GRM7: variants seen among roughly 807,000 people sequenced by gnomAD.
GRM7 encodes glutamate metabotropic receptor 7.
In GRM7, 35 loss-of-function variants were observed where a neutral mutation model predicts 84.5. The observed-to-expected ratio is 0.41, with a 90% CI of 0.32 to 0.55. GRM7 has a LOEUF of 0.55. Ranked by LOEUF, GRM7 falls within the 20% of genes least tolerant of loss-of-function variation. The probability of loss-of-function intolerance (pLI) is 0.19; values close to 1 mark genes in which losing one functional copy is unlikely to be tolerated. For synonymous variants in GRM7, 487 were observed against 455.1 expected (o/e 1.07, Z -0.89); for missense variants, 1,003 against 1,194.6 (o/e 0.84, Z 2.36).
intron 1 of GRM7, among the ~76,000 whole-genome samples, chr3:6,905,355 G>C (rs1470063346): frequency 6.6e-6 from 1 of 151,986 alleles, no homozygotes; most frequent in Admixed American, 6.6e-5. Flanking sequence ...AGTTTTTGTT[G>C]ATATTACAAG....
rs1699097910 is a variant in GRM7, at chr3:7,480,773, G to A, written c.1515+19051G>A. Among the ~76,000 whole-genome samples the A allele has an allele frequency of 2.0e-5, 3 of 152,134 alleles. No individual in the cohort carries two copies. In the South Asian group the frequency reaches 6.2e-4, roughly 31 times the overall value. On this transcript the variant is annotated intron_variant, in intron 7 of 9. Coordinates refer to ENST00000357716, the MANE Select transcript of GRM7 (RefSeq NM_000844.4). ...CATTCAGATCATTGGGATACGTGTT[G>A]AAGTGGAAGTTACCAGAGCCTACCA...
At chr3:7,333,600 G>A (rs1406024520) in intron 4 of GRM7, among the ~76,000 whole-genome samples, 1 of 152,028 alleles carries the variant, frequency 6.6e-6, no homozygotes, top group Non-Finnish European at 1.5e-5. Context: ...TAGCTCTCCA[G>A]CAATGGATCC....
intron 2 of GRM7, among the ~76,000 whole-genome samples, chr3:7,269,584 C>T (rs1001736891): frequency 9.2e-5 from 14 of 152,310 alleles, no homozygotes; most frequent in South Asian, 2.1e-4. Context: ...CTCCCAGCTA[C>T]GCCTCCTCTG....
chr3:7,460,855 A>G (rs1020846473), intron 6 of GRM7, among the ~76,000 whole-genome samples: 1 of 152,160 alleles, frequency 6.6e-6, no homozygotes, highest in Non-Finnish European at 1.5e-5. Flanking sequence ...ACAGATATAG[A>G]TATAGGTATA....
At chr3:7,311,587 G>A (rs976105744) in intron 4 of GRM7, among the ~76,000 whole-genome samples, 2 of 138,766 alleles carry the variant, frequency 1.4e-5, no homozygotes, top group Non-Finnish European at 3.0e-5. Context: ...TGGCACTTGT[G>A]TTTCAATACA....
rs187045900 is a variant in GRM7 at position 7,407,288 on chromosome 3, C to T, written c.1034-7735C>T. Among the ~76,000 whole-genome samples, 3 of 152,262 alleles carry T rather than the reference C, an allele frequency of 2.0e-5. No individual in the cohort carries two copies. The East Asian group carries it at 5.8e-4, about 29-fold the overall frequency. On this transcript the variant is annotated intron_variant, in intron 4 of 9. Transcript: ENST00000357716. Reference sequence around the variant, plus strand: ...CCTCCAGGTAGATGCCTCTTCAAGTCTCACCTCCTAAATCATCCTCTAGAG... The same window carrying T: ...CCTCCAGGTAGATGCCTCTTCAAGTTTCACCTCCTAAATCATCCTCTAGAG...
chr3:7,370,215 A>T (rs1694074241), intron 4 of GRM7, among the ~76,000 whole-genome samples: 1 of 152,158 alleles, frequency 6.6e-6, no homozygotes, highest in African/African-American at 2.4e-5. Context: ...TTTTTTTACT[A>T]CAAACTAGTA....
chr3:7,167,587 C>G (rs1255386477), intron 2 of GRM7, among the ~76,000 whole-genome samples: 1 of 152,148 alleles, frequency 6.6e-6, no homozygotes, highest in Non-Finnish European at 1.5e-5. Context: ...GATCCTTTAG[C>G]AATGGGTCCT....
chr3:7,508,172 G>C (rs192652815), intron 7 of GRM7, among the ~76,000 whole-genome samples: 91 of 152,242 alleles, frequency 6.0e-4, no homozygotes, highest in African/African-American at 1.9e-3. Flanking sequence ...GAGGGTAATA[G>C]CTGTAGTGAA....
rs146696322 is a variant in GRM7, at chr3:7,530,648, A to G, written c.1516-47774A>G. On this transcript the variant is annotated intron_variant, in intron 7 of 9. Transcript: ENST00000357716. The stretch of plus-strand genomic sequence containing the variant: ...AATGATCGCCTTTCTAACTGGCATG[A>G]GATGATAGCTCATTGTGGTTTTGAT... Among the ~76,000 whole-genome samples, 304 of 152,302 alleles carry G rather than the reference A, an allele frequency of 2.0e-3. 2 individuals carry two copies. Among genetic ancestry groups the G allele is most frequent in the African/African-American group, 6.2e-3 (259 of 41,560 alleles).
chr3:6,896,098 C>A (rs539646280), intron 1 of GRM7, among the ~76,000 whole-genome samples: 1 of 152,184 alleles, frequency 6.6e-6, no homozygotes, highest in African/African-American at 2.4e-5. Context: ...GATTAATGGG[C>A]CATTTTTTCT....
In GRM7 at chr3:6,997,813, T is replaced by C. The variant is rs1269974297; in HGVS notation, c.519+135906T>C. On this transcript the variant is annotated intron_variant, in intron 1 of 9. Coordinates refer to ENST00000357716, the MANE Select transcript of GRM7 (RefSeq NM_000844.4). ...CCTAATCTCTGACAAGGCAAGTTCT[T>C]TCATCCCATAAGTCTGTAAAACCAA... Among the ~76,000 whole-genome samples, 8 of 152,216 alleles carry C rather than the reference T, an allele frequency of 5.3e-5. No homozygotes were observed. The East Asian group carries it at 1.4e-3, about 26-fold the overall frequency.
chr3:7,454,178 T>G (rs1264275220), intron 6 of GRM7, among the ~76,000 whole-genome samples: 1 of 151,836 alleles, frequency 6.6e-6, no homozygotes, highest in Non-Finnish European at 1.5e-5. Context: ...TATTTGTAAT[T>G]TGCCACATCA....
intron 1 of GRM7, among the ~76,000 whole-genome samples, chr3:7,069,621 A>C (rs900150689): frequency 3.9e-5 from 6 of 152,100 alleles, no homozygotes; most frequent in Non-Finnish European, 8.8e-5. Flanking sequence ...TTTTTAGAGA[A>C]AGTGTTCATT....
At chr3:7,258,299 G>A (rs1698283917) in intron 2 of GRM7, among the ~76,000 whole-genome samples, 1 of 152,148 alleles carries the variant, frequency 6.6e-6, no homozygotes, top group South Asian at 2.1e-4. Flanking sequence ...CTAGACAGAA[G>A]CATTCTTAAA....
rs1700202699 is a variant in GRM7, at chr3:7,306,609, A to G, written c.990A>G (p.Ala330=). 1 of 1,612,906 alleles carries G rather than the reference A, an allele frequency of 6.2e-7. No homozygotes were observed. The highest frequency in any genetic ancestry group is 1.1e-5 in the South Asian group (1 of 91,004). ...INPLHQHEDI[A]EGAITIQPKR... is the part of the protein sequence containing the mutation. ...CACTGCACCAGCATGAAGATATCGCAGAAGGGGCCATCACCATTCAGCCCA... is the reference window on the plus strand; with the variant it reads ...CACTGCACCAGCATGAAGATATCGCGGAAGGGGCCATCACCATTCAGCCCA... Residue 330 remains alanine, a synonymous_variant, in exon 4 of 10, where the codon GCA becomes GCG. Transcript: ENST00000357716.
chr3:7,662,423 G>T (rs558814895), intron 8 of GRM7, among the ~76,000 whole-genome samples: 1 of 152,298 alleles, frequency 6.6e-6, no homozygotes, highest in African/African-American at 2.4e-5. Flanking sequence ...CAAAGGCAGG[G>T]AGAGTGTTCT....
rs1559291273 is a variant in GRM7, at chr3:6,862,690, A to AACT, written c.519+784_519+785insCTA. On this transcript the variant is annotated intron_variant, in intron 1 of 9. Coordinates refer to ENST00000357716, the MANE Select transcript of GRM7 (RefSeq NM_000844.4). This position sits in a 1 kb window ranked among gnomAD's most constrained non-coding sequence, Gnocchi z 5.2. Reference sequence around the variant, plus strand: ...CTCAGCCCAGGGATGAGCTCACGCGAAACGAAATCGCTCTCCCTGCCTCCT... The same window carrying AACT: ...CTCAGCCCAGGGATGAGCTCACGCGAACTAACGAAATCGCTCTCCCTGCCTCCT... 3.5e-6 allele frequency: 1 copy of AACT among 283,484 alleles called. No individual in the cohort carries two copies. The highest frequency in any genetic ancestry group is 7.0e-6 in the Non-Finnish European group (1 of 142,692). 17.6% of individuals were successfully genotyped at this position (283,484 alleles called of 1,614,324 possible). A position where few individuals can be genotyped will look rare whatever the true frequency, so the allele number is the denominator to read the frequency against.
At chr3:7,577,019 A>G (rs756844914) in intron 7 of GRM7, among the ~76,000 whole-genome samples, 2 of 152,164 alleles carry the variant, frequency 1.3e-5, no homozygotes, top group Admixed American at 1.3e-4. Flanking sequence ...TTCTTTCTCT[A>G]ATAAATTCCT....
Sources: allele counts gnomAD v4.1 joint callset (sites outside exome capture counted in the v4.1 genomes callset), GRCh38; gene constraint gnomAD v4.1.1; non-coding constraint Gnocchi (gnomAD v3.1); transcripts MANE v1.5; gene names NCBI Gene and HGNC (gene_info 2026-07-23, HGNC 2026-07-21).